The following FBXO31 variants were observed in gnomAD, a reference collection of about 807,000 sequenced individuals.
FBXO31 encodes F-box only protein 31.
A neutral mutation model predicts 54.4 loss-of-function variants in FBXO31; 24 were observed. The observed-to-expected ratio is 0.44, with a 90% confidence interval of 0.32 to 0.62. The LOEUF (loss-of-function observed/expected upper bound fraction) is 0.62. FBXO31 is among the 20% of genes least tolerant of loss of function. The pLI is 0.05. For missense variants in FBXO31, 665 were observed against 787.1 expected, an observed-to-expected ratio of 0.84 and a Z score of 1.86; for synonymous variants, 388 against 335.6, an observed-to-expected ratio of 1.16 and a Z score of -1.71.
At chr16:87,375,249 G>A (rs903034978) in intron 1 of FBXO31, among the ~76,000 whole-genome samples, 1 of 152,212 alleles carries the variant, frequency 6.6e-6, no homozygotes, top group Non-Finnish European at 1.5e-5. Context: ...AGAGCTTGCA[G>A]TGAGCCAAGA....
intron 2 of FBXO31, among the ~76,000 whole-genome samples, chr16:87,350,528 A>T (rs1905606781): frequency 6.6e-6 from 1 of 152,154 alleles, no homozygotes; most frequent in South Asian, 2.1e-4. Flanking sequence ...ACTGATCTTG[A>T]CAATGAAATG....
At chr16:87,382,961 T>C (rs538174539) in intron 1 of FBXO31, among the ~76,000 whole-genome samples, 5 of 152,174 alleles carry the variant, frequency 3.3e-5, no homozygotes, top group African/African-American at 9.6e-5. Context: ...GTTCACCTCG[T>C]CTCTGGTCAG....
chr16:87,384,550 G>C (rs578253338), upstream of FBXO31, among the ~76,000 whole-genome samples: 1 of 152,356 alleles, frequency 6.6e-6, no homozygotes, highest in African/African-American at 2.4e-5. Flanking sequence ...CTCCGCCGAG[G>C]CCGCTGAGCG....
chr16:87,343,469 G>A (rs1905255945), intron 4 of FBXO31, 129 bp downstream of exon 4: 7 of 1,165,608 alleles, frequency 6.0e-6, no homozygotes, highest in African/African-American at 1.5e-5. Flanking sequence ...GGGCAGGGCG[G>A]AGCCTCCCTC....
At chr16:87,344,638 G>A (rs1318067796) in intron 3 of FBXO31, among the ~76,000 whole-genome samples, 1 of 151,690 alleles carries the variant, frequency 6.6e-6, no homozygotes, top group Non-Finnish European at 1.5e-5. Context: ...TTTGTTTTTT[G>A]GGGTTTTTTT....
intron 1 of FBXO31, among the ~76,000 whole-genome samples, chr16:87,373,966 G>A (rs868466005): frequency 1.3e-5 from 2 of 152,102 alleles, no homozygotes; most frequent in African/African-American, 2.4e-5. Context: ...TATGAAGGCC[G>A]GGCATGGTGG....
intron 2 of FBXO31, among the ~76,000 whole-genome samples, chr16:87,350,103 G>A (rs4843599): frequency 0.19 from 28,941 of 151,920 alleles, 3,499 homozygotes; most frequent in East Asian, 0.34. Flanking sequence ...TGTGTGACTG[G>A]ACGAATGGGC....
chr16:87,333,802 C>T (rs1353157001), intron 8 of FBXO31, 84 bp downstream of exon 8: 17 of 1,475,246 alleles, frequency 1.2e-5, no homozygotes, highest in South Asian at 8.0e-5. Context: ...AGGCCCTCTC[C>T]GCCTGTGCTA....
At chr16:87,339,377 C>A (rs1905123788) in intron 5 of FBXO31, among the ~76,000 whole-genome samples, 1 of 152,134 alleles carries the variant, frequency 6.6e-6, no homozygotes, top group African/African-American at 2.4e-5. Flanking sequence ...ACAGACAGCC[C>A]CACCCTCTGA....
intron 4 of FBXO31, among the ~76,000 whole-genome samples, chr16:87,343,169 G>A (rs1390152415): frequency 6.6e-6 from 1 of 152,250 alleles, no homozygotes; most frequent in East Asian, 1.9e-4. Flanking sequence ...ATCTGAGAGA[G>A]TGGCGTTTGC....
At chr16:87,365,037 A>ATATATATATATATATCTATATATC (rs1489132121) in intron 1 of FBXO31, among the ~76,000 whole-genome samples, 2 of 106,892 alleles carry the variant, frequency 1.9e-5, no homozygotes, top group African/African-American at 7.0e-5. Flanking sequence ...ATATATATAT[A>ATATATATATATATATCTATATATC]TATCAGGCAG....
rs1157486626 is a variant in FBXO31, at chr16:87,358,209, G to A, written c.412+2086C>T. On this transcript the variant is annotated intron_variant, in intron 2 of 8. Coordinates refer to ENST00000311635, the MANE Select transcript of FBXO31 (RefSeq NM_024735.5). This position sits in a 1 kb window ranked among gnomAD's most constrained non-coding sequence, Gnocchi z 4.0. ...AGAAAGGTAAGCCAAATGCAGCCTG[G>A]GTCCAACACACAGGTGTGATCTCTG... Among the ~76,000 whole-genome samples the A allele has an allele frequency of 6.6e-6, 1 of 152,088 alleles. No individual in the cohort carries two copies. Among genetic ancestry groups the A allele is most frequent in the African/African-American group, 2.4e-5 (1 of 41,394 alleles).
intron 8 of FBXO31, among the ~76,000 whole-genome samples, chr16:87,333,054 G>C (rs571817321): frequency 1.3e-5 from 2 of 152,338 alleles, no homozygotes; most frequent in South Asian, 2.1e-4. Flanking sequence ...TTCATATTCA[G>C]TTTCAGTTCA....
chr16:87,369,571 T>C (rs1349892120), intron 1 of FBXO31, among the ~76,000 whole-genome samples: 1 of 152,244 alleles, frequency 6.6e-6, no homozygotes, highest in Non-Finnish European at 1.5e-5. Flanking sequence ...CATCCGTTTA[T>C]TCATGGATGA....
rs1331745274 is a variant in FBXO31, at chr16:87,327,967, G to C, written c.*3321C>G. On this transcript the variant is annotated 3_prime_UTR_variant, in exon 9 of 9. Transcript: ENST00000311635. The stretch of plus-strand genomic sequence containing the variant: ...ACCTTGGACGGTGGACCACAGCTCA[G>C]CATCTCCTGTTCGCACCCAAGACCC... 1 of 152,216 alleles carries C rather than the reference G, an allele frequency of 6.6e-6. No homozygotes were observed. Among genetic ancestry groups the C allele is most frequent in the Non-Finnish European group, 1.5e-5 (1 of 68,062 alleles). 9.4% of individuals were successfully genotyped at this position (152,216 alleles called of 1,614,324 possible). A position where few individuals can be genotyped will look rare whatever the true frequency, so the allele number is the denominator to read the frequency against.
Position 87,328,834 on chromosome 16 carries a change from C to T in FBXO31, c.*2454G>A, listed in dbSNP as rs1904739613. ...AACTCCACCTGCCACCTTCCCCAAT[C>T]AAGCCTAATGCGCTTGGCTGTCCTG... is the stretch of plus-strand genomic sequence containing the variant. On this transcript the variant is annotated 3_prime_UTR_variant, in exon 9 of 9. Transcript: ENST00000311635. The T allele has an allele frequency of 6.6e-6, 1 of 152,314 alleles. No individual in the cohort carries two copies. The highest frequency in any genetic ancestry group is 1.5e-5 in the Non-Finnish European group (1 of 68,102). The allele number at this position is 152,314 out of a possible 1,614,324, so 9.4% of individuals were successfully genotyped here. A position where few individuals can be genotyped will look rare whatever the true frequency, so the allele number is the denominator to read the frequency against.
rs1904966380 is a variant in FBXO31, at chr16:87,334,177, A to T, written c.1106T>A (p.Ile369Asn). 6.2e-7 allele frequency: 1 copy of T among 1,612,822 alleles called. No homozygotes were observed. The highest frequency in any genetic ancestry group is 2.2e-5 in the East Asian group (1 of 44,842). Residue 369 changes from isoleucine to asparagine, a missense_variant, in exon 8 of 9, where the codon ATC becomes AAC. Coordinates refer to ENST00000311635, the MANE Select transcript of FBXO31 (RefSeq NM_024735.5). Reference sequence around the variant, plus strand: ...CACCCTCTCGCGCACCTCCAGGACGATGCGGGAGAGCTCATTGAAGTTGCG... The same window carrying T: ...CACCCTCTCGCGCACCTCCAGGACGTTGCGGGAGAGCTCATTGAAGTTGCG... ...NQRNFNELSRIVLEVRERVRQ... is the reference protein window; with the variant it reads ...NQRNFNELSRNVLEVRERVRQ...
chr16:87,342,407 C>T (rs1905222360), intron 5 of FBXO31, among the ~76,000 whole-genome samples: 1 of 152,164 alleles, frequency 6.6e-6, no homozygotes, highest in Admixed American at 6.5e-5. Context: ...AAAGCTAAAA[C>T]TCAAGGGCAA....
intron 2 of FBXO31, among the ~76,000 whole-genome samples, chr16:87,356,228 C>CA (rs562439286): frequency 0.031 from 2,578 of 82,436 alleles, 78 homozygotes; most frequent in African/African-American, 0.097. Context: ...GACTCCATCT[C>CA]AAAAAAAAAA....
Sources: allele counts gnomAD v4.1 joint callset (sites outside exome capture counted in the v4.1 genomes callset), GRCh38; gene constraint gnomAD v4.1.1; non-coding constraint Gnocchi (gnomAD v3.1); transcripts MANE v1.5; gene names NCBI Gene and HGNC (gene_info 2026-07-23, HGNC 2026-07-21).